ATRN: variants seen among roughly 807,000 people sequenced by gnomAD.
ATRN encodes attractin, also known as attractin-2.
ATRN carries 54 observed loss-of-function variants against 178.7 expected under a neutral mutation model. The observed-to-expected ratio is 0.30, with a 90% CI of 0.24 to 0.38. The LOEUF (loss-of-function observed/expected upper bound fraction) is 0.38, where lower values mean the gene tolerates loss of function less well. ATRN is among the 10% of genes least tolerant of loss of function. The pLI, the probability that ATRN is intolerant of heterozygous loss-of-function variation, is 1.00. For synonymous variants in ATRN, 636 were observed against 663.0 expected, an observed-to-expected ratio of 0.96 and a Z score of 0.63; for missense variants, 1,443 against 1,815.1, an observed-to-expected ratio of 0.79 and a Z score of 3.73.
intron 3 of ATRN, among the ~76,000 whole-genome samples, chr20:3,543,813 A>G (rs974515828): frequency 2.6e-5 from 4 of 152,056 alleles, no homozygotes; most frequent in African/African-American, 9.7e-5. Flanking sequence ...CAGGAGAATT[A>G]CTTGATCCCA....
chr20:3,647,103 TGGA>T lies in ATRN; in HGVS notation c.*262_*264del. The stretch of plus-strand genomic sequence containing the variant: ...GGTCCAGGGATGAGCTGATGGTTGC[TGGA>T]GGAGGCCAGTGTAGAGCCAGTGAGA... On this transcript the variant is annotated 3_prime_UTR_variant, in exon 29 of 29. Transcript: ENST00000262919. The T allele has an allele frequency of 2.8e-6, 1 of 361,536 alleles. No individual in the cohort carries two copies. The highest frequency in any genetic ancestry group is 5.0e-6 in the Non-Finnish European group (1 of 198,952). The allele number at this position is 361,536 out of a possible 1,614,324, so 22.4% of individuals were successfully genotyped here. A position where few individuals can be genotyped will look rare whatever the true frequency, so the allele number is the denominator to read the frequency against.
At chr20:3,521,117 G>A (rs531709624) in intron 1 of ATRN, among the ~76,000 whole-genome samples, 35 of 152,208 alleles carry the variant, frequency 2.3e-4, no homozygotes, top group African/African-American at 5.5e-4. Context: ...GTTGGGAGGC[G>A]GGGTTGGGTT....
intron 26 of ATRN, among the ~76,000 whole-genome samples, chr20:3,635,659 C>CA (rs1233325865): frequency 4.6e-5 from 7 of 152,136 alleles, no homozygotes; most frequent in African/African-American, 1.7e-4. Context: ...AATCACAACT[C>CA]ACAAGCACTC....
chr20:3,649,283 A>G lies in ATRN; in HGVS notation c.*2436A>G, dbSNP rs2087129308. On this transcript the variant is annotated 3_prime_UTR_variant, in exon 29 of 29. Coordinates refer to ENST00000262919, the MANE Select transcript of ATRN (RefSeq NM_139321.3). ...GTATATAAATTAAAATAGTCAAGAC[A>G]ACACTGACCTTGCACTTGTACATAA... The G allele has an allele frequency of 6.5e-6, 1 of 152,672 alleles. No individual in the cohort carries two copies. The highest frequency in any genetic ancestry group is 1.5e-5 in the Non-Finnish European group (1 of 68,044). 9.5% of individuals were successfully genotyped at this position (152,672 alleles called of 1,614,324 possible).
intron 1 of ATRN, among the ~76,000 whole-genome samples, chr20:3,511,908 CTTATAA>C (rs1210288662): frequency 6.6e-6 from 1 of 151,612 alleles, no homozygotes; most frequent in Non-Finnish European, 1.5e-5. Flanking sequence ...ATTGTACAGC[CTTATAA>C]TTATTTCAAT....
chr20:3,594,620 C>A lies in ATRN; in HGVS notation c.3416+48C>A, dbSNP rs759888409. On this transcript the variant is annotated intron_variant, in intron 20 of 28. Transcript: ENST00000262919. ...CACCAGGGAGGACCAAGAGGCTGTG[C>A]AGCTGCCTGAACCCCACCCTGAGAG... 7 of 1,510,962 alleles carry A rather than the reference C, an allele frequency of 4.6e-6. No homozygotes were observed. In the South Asian group the frequency reaches 8.5e-5, roughly 18 times the overall value. The allele number at this position is 1,510,962 out of a possible 1,614,324, so 93.6% of individuals were successfully genotyped here.
chr20:3,547,325 G>A lies in ATRN; in HGVS notation c.779G>A (p.Cys260Tyr), dbSNP rs749481178. 2.5e-6 allele frequency: 4 copies of A among 1,614,018 alleles called. No homozygotes were observed. The African/African-American group carries it at 4.0e-5, about 16-fold the overall frequency. Residue 260 changes from cysteine (C) to tyrosine (Y), a missense_variant, in exon 5 of 29, where the codon TGT becomes TAT. Physicochemically the swap from Cys to Tyr is radical, Grantham distance 194. This residue lies in a region of ATRN where 862 missense variants were observed against 972.1 expected (regional missense o/e 0.89). Transcript: ENST00000262919. ...CPNNCSGRGE[C>Y]KISNSSDTVE... ...AATAACTGCTCAGGCCGAGGAGAGT[G>A]TAAGATCAGTAATAGCAGCGATACT... is the stretch of plus-strand genomic sequence containing the variant.
chr20:3,505,207 A>C (rs2085025195), intron 1 of ATRN, among the ~76,000 whole-genome samples: 1 of 152,208 alleles, frequency 6.6e-6, no homozygotes, highest in Admixed American at 6.5e-5. Flanking sequence ...AGATAGAACA[A>C]AAAGGCAAAT....
At chr20:3,607,940 GT>G (rs2086698438) in intron 24 of ATRN, among the ~76,000 whole-genome samples, 1 of 151,990 alleles carries the variant, frequency 6.6e-6, no homozygotes, top group African/African-American at 2.4e-5. Flanking sequence ...TCTCATTATG[GT>G]TTTGATTTGC....
Position 3,646,995 on chromosome 20 carries a change from A to G in ATRN, c.*148A>G, listed in dbSNP as rs1555829092. On this transcript the variant is annotated 3_prime_UTR_variant, in exon 29 of 29. Transcript: ENST00000262919. ...GCATCTGACTCACCTGCATGATCAC[A>G]AGCTTTCTTTGACGGTTTCTCCCAT... 4.6e-6 allele frequency: 5 copies of G among 1,078,076 alleles called. No homozygotes were observed. Among genetic ancestry groups the G allele is most frequent in the Non-Finnish European group, 6.3e-6 (5 of 788,882 alleles). The allele number at this position is 1,078,076 out of a possible 1,614,324, so 66.8% of individuals were successfully genotyped here. A position where few individuals can be genotyped will look rare whatever the true frequency, so the allele number is the denominator to read the frequency against.
At chr20:3,643,661 T>A (rs1045598544) in intron 27 of ATRN, among the ~76,000 whole-genome samples, 3 of 152,334 alleles carry the variant, frequency 2.0e-5, no homozygotes, top group African/African-American at 7.2e-5. Flanking sequence ...AACCCAGCTT[T>A]TACAAGCTTT....
chr20:3,618,250 T>G (rs1439391926), intron 24 of ATRN, among the ~76,000 whole-genome samples: 1 of 152,202 alleles, frequency 6.6e-6, no homozygotes, highest in African/African-American at 2.4e-5. Flanking sequence ...GCGGGGCTGA[T>G]GACCAAAATC....
chr20:3,594,394 TA>T, intron 19 of ATRN, 84 bp from the exon 20 acceptor site: 2 of 1,091,490 alleles, frequency 1.8e-6, no homozygotes, highest in Non-Finnish European at 2.6e-6. Context: ...TCAATTCAGA[TA>T]AAATTGCTTG....
intron 1 of ATRN, among the ~76,000 whole-genome samples, chr20:3,518,854 A>T (rs984995842): frequency 6.6e-6 from 1 of 152,040 alleles, no homozygotes; most frequent in African/African-American, 2.4e-5. Context: ...ATATTCAGTC[A>T]GTGCTCAACT....
chr20:3,474,665 C>T (rs997076271), intron 1 of ATRN, among the ~76,000 whole-genome samples: 1 of 151,090 alleles, frequency 6.6e-6, no homozygotes, highest in African/African-American at 2.4e-5. Flanking sequence ...CGAGATCGCA[C>T]CACTGCACTC....
intron 1 of ATRN, among the ~76,000 whole-genome samples, chr20:3,502,765 A>T (rs2084981850): frequency 6.6e-6 from 1 of 152,170 alleles, no homozygotes; most frequent in African/African-American, 2.4e-5. Context: ...TTCCCTGTGG[A>T]TGTGAGATTT....
intron 1 of ATRN, among the ~76,000 whole-genome samples, chr20:3,495,703 T>C (rs930168813): frequency 1.3e-5 from 2 of 151,824 alleles, no homozygotes; most frequent in African/African-American, 4.8e-5. Flanking sequence ...CAGAGTACTA[T>C]GTAGCTATAA....
At chr20:3,507,123 A>G (rs1209250602) in intron 1 of ATRN, among the ~76,000 whole-genome samples, 1 of 151,774 alleles carries the variant, frequency 6.6e-6, no homozygotes, top group Non-Finnish European at 1.5e-5. Context: ...ATTGGAGTTA[A>G]AGGCCGGGCA....
intron 25 of ATRN, chr20:3,629,022 C>A: frequency 3.0e-6 from 3 of 985,360 alleles, no homozygotes; most frequent in Non-Finnish European, 3.6e-6. Context: ...CCCCACCTCA[C>A]TAACTGGCAA....
Sources: gnomAD v4.1 joint callset for allele counts (sites outside exome capture counted in the v4.1 genomes callset) on GRCh38, gnomAD v4.1.1 for gene constraint, gnomAD v4.1.1 regional missense constraint, MANE v1.5 for transcripts, NCBI Gene and HGNC (gene_info 2026-07-23, HGNC 2026-07-21) for gene names.